The following CCBE1 variants were observed in gnomAD, a reference collection of about 807,000 sequenced individuals.
The protein encoded by CCBE1 is collagen and calcium-binding EGF domain-containing protein 1.
A neutral mutation model predicts 50.0 loss-of-function variants in CCBE1; 37 were observed. The ratio of observed to expected loss-of-function variants is 0.74; its 90% CI spans 0.57 to 0.97. The LOEUF is 0.97. Among genes scored for constraint, CCBE1 ranks in the 50% least tolerant of loss-of-function variants. The pLI is 0.00. For missense variants in CCBE1, 538 were observed against 523.8 expected, an observed-to-expected ratio of 1.03 and a Z score of -0.26; for synonymous variants, 234 against 203.7, an observed-to-expected ratio of 1.15 and a Z score of -1.27.
chr18:59,510,384 T>C (rs983179742), intron 2 of CCBE1, among the ~76,000 whole-genome samples: 3 of 152,184 alleles, frequency 2.0e-5, no homozygotes, highest in Non-Finnish European at 2.9e-5. Flanking sequence ...AGATGCACCA[T>C]TAGTCTTTAT....
At chr18:59,439,481 A>G (rs753633862) in intron 9 of CCBE1, 62 bp downstream of exon 9, 21 of 1,604,348 alleles carry the variant, frequency 1.3e-5, no homozygotes, top group Non-Finnish European at 1.7e-5. Context: ...CAAAAACAAA[A>G]CAAAACAAAA....
chr18:59,515,414 C>G (rs1557406), intron 2 of CCBE1, among the ~76,000 whole-genome samples: 108,419 of 152,102 alleles, frequency 0.71, 39,310 homozygotes, highest in African/African-American at 0.85. Flanking sequence ...GCATGGCCTT[C>G]AGCTGCAATG....
chr18:59,646,125 C>T (rs1201201814), intron 2 of CCBE1, among the ~76,000 whole-genome samples: 1 of 152,202 alleles, frequency 6.6e-6, no homozygotes, highest in Non-Finnish European at 1.5e-5. Context: ...CTACCCTCCC[C>T]TACTTTGCCT....
intron 2 of CCBE1, among the ~76,000 whole-genome samples, chr18:59,639,256 A>C (rs1178586857): frequency 6.6e-6 from 1 of 152,202 alleles, no homozygotes; most frequent in Non-Finnish European, 1.5e-5. Flanking sequence ...GTGACAGAGC[A>C]AAACCCTGTC....
intron 2 of CCBE1, among the ~76,000 whole-genome samples, chr18:59,687,636 C>T (rs758433898): frequency 6.6e-6 from 1 of 152,160 alleles, no homozygotes; most frequent in Non-Finnish European, 1.5e-5. Context: ...CTTTGTGGAA[C>T]AAAACAGCTG....
intron 3 of CCBE1, among the ~76,000 whole-genome samples, chr18:59,472,495 G>A (rs1198982992): frequency 2.6e-5 from 4 of 152,162 alleles, no homozygotes; most frequent in Admixed American, 6.5e-5. Context: ...TCTTCTTATA[G>A]ACATTTTTTC....
At chr18:59,586,265 C>T (rs921980800) in intron 2 of CCBE1, among the ~76,000 whole-genome samples, 3 of 152,192 alleles carry the variant, frequency 2.0e-5, no homozygotes, top group Non-Finnish European at 4.4e-5. Context: ...CACTGGATTA[C>T]CCTCTTCTTT....
At chr18:59,694,320 G>A (rs73443607) in intron 2 of CCBE1, among the ~76,000 whole-genome samples, 2,290 of 152,212 alleles carry the variant, frequency 0.015, 71 homozygotes, top group African/African-American at 0.053. Context: ...CAGTAATGCT[G>A]TATTACTTAC....
chr18:59,547,974 T>A (rs1915772617), intron 2 of CCBE1, among the ~76,000 whole-genome samples: 2 of 152,238 alleles, frequency 1.3e-5, no homozygotes, highest in Non-Finnish European at 2.9e-5. Flanking sequence ...ACACTGCACT[T>A]TTATTCTCCT....
chr18:59,597,436 T>C (rs973670455), intron 2 of CCBE1, among the ~76,000 whole-genome samples: 2 of 152,208 alleles, frequency 1.3e-5, no homozygotes, highest in African/African-American at 4.8e-5. Flanking sequence ...TACAGCTTCC[T>C]ATTTAATCTT....
chr18:59,538,606 G>T (rs1915344053), intron 2 of CCBE1, among the ~76,000 whole-genome samples: 1 of 151,938 alleles, frequency 6.6e-6, no homozygotes, highest in Non-Finnish European at 1.5e-5. Flanking sequence ...TGACATCCTG[G>T]GGAAAAAAAA....
At chr18:59,522,905 T>C (rs1598976473) in intron 2 of CCBE1, among the ~76,000 whole-genome samples, 1 of 140,646 alleles carries the variant, frequency 7.1e-6, no homozygotes, top group East Asian at 2.1e-4. Context: ...AGGAGGAGAG[T>C]GGTGTGAACC....
intron 2 of CCBE1, 37 bp from the exon 3 acceptor site, chr18:59,480,275 G>A: frequency 7.1e-7 from 1 of 1,415,656 alleles, no homozygotes; most frequent in Non-Finnish European, 1.0e-6. Context: ...ATAATAATTA[G>A]GCTAAAAATA....
intron 7 of CCBE1, among the ~76,000 whole-genome samples, chr18:59,443,628 G>A (rs532219926): frequency 8.4e-4 from 115 of 136,852 alleles, no homozygotes; most frequent in Middle Eastern, 4.2e-3. Context: ...CACCACCCCC[G>A]GCTAATTTTT....
intron 2 of CCBE1, among the ~76,000 whole-genome samples, chr18:59,485,460 A>G (rs567108483): frequency 1.6e-4 from 25 of 152,186 alleles, no homozygotes; most frequent in African/African-American, 5.8e-4. Context: ...ACTAAAAGTG[A>G]CCATGAAAGG....
chr18:59,597,613 G>A (rs1340208994), intron 2 of CCBE1, among the ~76,000 whole-genome samples: 1 of 152,112 alleles, frequency 6.6e-6, no homozygotes, highest in East Asian at 1.9e-4. Context: ...GAAAAAACGG[G>A]GAAAAGTAGC....
At chr18:59,438,634 TA>T (rs755144357) in intron 9 of CCBE1, among the ~76,000 whole-genome samples, 21 of 152,258 alleles carry the variant, frequency 1.4e-4, no homozygotes, top group Non-Finnish European at 2.8e-4. Context: ...GAGGCTCATT[TA>T]AAATTTACAG....
intron 2 of CCBE1, among the ~76,000 whole-genome samples, chr18:59,652,880 T>C (rs1253390869): frequency 2.0e-5 from 3 of 151,512 alleles, no homozygotes; most frequent in Admixed American, 6.6e-5. Context: ...AGGAGAATGG[T>C]GTGAACCTGG....
At chr18:59,449,278 C>G (rs771445729) in intron 6 of CCBE1, among the ~76,000 whole-genome samples, 1 of 152,114 alleles carries the variant, frequency 6.6e-6, no homozygotes, top group South Asian at 2.1e-4. Flanking sequence ...GTGATGTTGT[C>G]TTTAACGTGC....
Sources: gnomAD v4.1 joint callset for allele counts (sites outside exome capture counted in the v4.1 genomes callset) on GRCh38, gnomAD v4.1.1 for gene constraint, MANE v1.5 for transcripts, NCBI Gene and HGNC (gene_info 2026-07-23, HGNC 2026-07-21) for gene names.